Variants in NCKAP5 observed in about 807,000 individuals in gnomAD.
The protein encoded by NCKAP5 is nck-associated protein 5.
In NCKAP5, 92 loss-of-function variants were observed where a neutral mutation model predicts 167.0. The ratio of observed to expected loss-of-function variants is 0.55; its 90% confidence interval spans 0.47 to 0.66. The LOEUF is 0.66. NCKAP5 is among the 30% of genes least tolerant of loss of function. The probability of loss-of-function intolerance (pLI) is 0.00; values close to 1 mark genes in which losing one functional copy is unlikely to be tolerated. For missense variants in NCKAP5, 2,378 were observed against 2,315.0 expected (o/e 1.03, Z -0.56); for synonymous variants, 891 against 877.4 (o/e 1.02, Z -0.27).
chr2:133,224,728 T>C (rs186097684), intron 4 of NCKAP5, among the ~76,000 whole-genome samples: 240 of 152,226 alleles, frequency 1.6e-3, no homozygotes, highest in Non-Finnish European at 2.3e-3. Context: ...TGGTACAGAG[T>C]GAAATCCCAA....
upstream of NCKAP5, among the ~76,000 whole-genome samples, chr2:133,573,287 AAT>A (rs989893951): frequency 1.3e-5 from 2 of 152,226 alleles, no homozygotes; most frequent in African/African-American, 4.8e-5. Context: ...TGATATTTCA[AAT>A]TTCAAACTTA....
intron 16 of NCKAP5, among the ~76,000 whole-genome samples, chr2:132,741,127 C>G (rs1679147798): frequency 6.6e-6 from 1 of 151,916 alleles, no homozygotes; most frequent in African/African-American, 2.4e-5. Flanking sequence ...GTTATAGCCT[C>G]TGAAAAAAAA....
intron 3 of NCKAP5, among the ~76,000 whole-genome samples, chr2:133,426,609 A>G (rs973414194): frequency 3.3e-5 from 5 of 152,210 alleles, no homozygotes; most frequent in African/African-American, 7.2e-5. Context: ...AAATAATTCA[A>G]CAACACATCA....
intron 8 of NCKAP5, among the ~76,000 whole-genome samples, chr2:132,962,027 T>A (rs531193170): frequency 1.3e-5 from 2 of 152,296 alleles, no homozygotes; most frequent in Non-Finnish European, 2.9e-5. Flanking sequence ...ACAAGGGTGA[T>A]TCCTAGCTCT....
chr2:133,018,235 C>T (rs1057119002), intron 6 of NCKAP5, among the ~76,000 whole-genome samples: 20 of 152,132 alleles, frequency 1.3e-4, no homozygotes, highest in African/African-American at 4.6e-4. Context: ...ATGCAATGAG[C>T]GCCTAGCAAT....
the NCKAP5 span, among the ~76,000 whole-genome samples, chr2:133,582,418 C>T: frequency 2.6e-5 from 4 of 152,208 alleles, no homozygotes; most frequent in Admixed American, 6.5e-5. Context: ...TTCATGCATG[C>T]TCTGAATAAT....
intron 8 of NCKAP5, among the ~76,000 whole-genome samples, chr2:132,901,377 C>G (rs1408466039): frequency 6.6e-6 from 1 of 152,158 alleles, no homozygotes; most frequent in Non-Finnish European, 1.5e-5. Context: ...AAATTCACAC[C>G]ACTGTAATTA....
chr2:132,902,832 A>G (rs1008098865), intron 8 of NCKAP5, among the ~76,000 whole-genome samples: 1 of 152,202 alleles, frequency 6.6e-6, no homozygotes, highest in Non-Finnish European at 1.5e-5. Context: ...CCTCTTGCTC[A>G]TCCCCATAAT....
At chr2:133,319,517 G>A (rs1681880572) in intron 3 of NCKAP5, among the ~76,000 whole-genome samples, 1 of 152,082 alleles carries the variant, frequency 6.6e-6, no homozygotes, top group African/African-American at 2.4e-5. Flanking sequence ...TCAATCAGTG[G>A]ACTATGCACT....
chr2:133,383,167 T>C (rs1686653853), intron 3 of NCKAP5, among the ~76,000 whole-genome samples: 1 of 152,118 alleles, frequency 6.6e-6, no homozygotes. Context: ...CTGTACCCAT[T>C]AACTTATCAT....
At chr2:133,097,321 G>T in intron 6 of NCKAP5, among the ~76,000 whole-genome samples, 1 of 152,124 alleles carries the variant, frequency 6.6e-6, no homozygotes, top group Non-Finnish European at 1.5e-5. Flanking sequence ...CTATAGTTTG[G>T]AGTTTTGTCA....
chr2:133,525,607 C>G (rs986984294), intron 2 of NCKAP5, among the ~76,000 whole-genome samples: 6 of 152,214 alleles, frequency 3.9e-5, no homozygotes, highest in African/African-American at 1.4e-4. Flanking sequence ...AGTAATTTCT[C>G]TCACTATTAA....
rs374449192 is a variant in NCKAP5, at chr2:133,361,644, C to CA, written c.70-58535dup. On this transcript the variant is annotated intron_variant, in intron 3 of 19. Transcript: ENST00000409261. ...GAATATTCCTGCCACAAGAAAAGGC[C>CA]AAAATGATATAATCCCATGTTAAAC... is the stretch of plus-strand genomic sequence containing the variant. Among the ~76,000 whole-genome samples the CA allele has an allele frequency of 2.5e-3, 388 of 152,198 alleles. 4 individuals are homozygous for CA. The highest frequency in any genetic ancestry group is 9.0e-3 in the African/African-American group (374 of 41,512).
At chr2:133,169,189 T>A (rs1559218491) in intron 5 of NCKAP5, among the ~76,000 whole-genome samples, 3 of 152,154 alleles carry the variant, frequency 2.0e-5, no homozygotes, top group Non-Finnish European at 2.9e-5. Flanking sequence ...ATCCTGACCT[T>A]AAAATGCCAA....
chr2:132,875,285 T>TCTGGATCTGAGA (rs1691179425), intron 9 of NCKAP5, among the ~76,000 whole-genome samples: 1 of 152,152 alleles, frequency 6.6e-6, no homozygotes, highest in Non-Finnish European at 1.5e-5. Context: ...CACTTGCTGT[T>TCTGGATCTGAGA]CTGGATCTGA....
At chr2:132,869,314 T>C (rs1690608715) in intron 9 of NCKAP5, among the ~76,000 whole-genome samples, 1 of 152,194 alleles carries the variant, frequency 6.6e-6, no homozygotes, top group Non-Finnish European at 1.5e-5. Flanking sequence ...GTCCTAATTA[T>C]CTGTCCACAG....
At chr2:133,480,407 T>TC (rs1227294581) in intron 3 of NCKAP5, among the ~76,000 whole-genome samples, 1 of 139,108 alleles carries the variant, frequency 7.2e-6, no homozygotes, top group Non-Finnish European at 1.6e-5. Context: ...TTTGCTTGGC[T>TC]CCATGTTCTC....
chr2:132,882,908 G>A (rs939097409), intron 8 of NCKAP5, among the ~76,000 whole-genome samples: 16 of 151,884 alleles, frequency 1.1e-4, no homozygotes, highest in Non-Finnish European at 1.9e-4. Flanking sequence ...TCCTTTGGCC[G>A]GGTGTGGTGA....
At chr2:133,428,758 G>A (rs1689966685) in intron 3 of NCKAP5, among the ~76,000 whole-genome samples, 1 of 151,980 alleles carries the variant, frequency 6.6e-6, no homozygotes, top group Admixed American at 6.6e-5. Flanking sequence ...ATTTATAAAA[G>A]ACTGCAACTG....
Sources: allele counts gnomAD v4.1 joint callset (sites outside exome capture counted in the v4.1 genomes callset), GRCh38; gene constraint gnomAD v4.1.1; transcripts MANE v1.5; gene names NCBI Gene and HGNC (gene_info 2026-07-23, HGNC 2026-07-21).